The following TMEM41B variants were observed in gnomAD, a reference collection of about 807,000 sequenced individuals.
TMEM41B encodes the protein protein stasimon.
TMEM41B carries 18 observed loss-of-function variants against 31.9 expected under a neutral mutation model. That is an observed-to-expected ratio of 0.56 (90% CI 0.39 to 0.84). TMEM41B has a LOEUF of 0.84. Ranked by LOEUF, TMEM41B falls within the 40% of genes least tolerant of loss-of-function variation. The probability of loss-of-function intolerance (pLI) is 0.00; values close to 1 mark genes in which losing one functional copy is unlikely to be tolerated. For synonymous variants in TMEM41B, 144 were observed against 124.3 expected (o/e 1.16, Z -1.05); for missense variants, 322 against 348.0 (o/e 0.93, Z 0.59).
At chr11:9,312,778 C>T (rs979476871) in intron 1 of TMEM41B, among the ~76,000 whole-genome samples, 2 of 151,802 alleles carry the variant, frequency 1.3e-5, no homozygotes, top group Non-Finnish European at 2.9e-5. Flanking sequence ...GTGGTGGGCG[C>T]CTGTAGTCCC....
chr11:9,311,307 G>A (rs1853555071), intron 1 of TMEM41B: 10 of 1,525,386 alleles, frequency 6.6e-6, no homozygotes, highest in Middle Eastern at 4.9e-4. Flanking sequence ...GGAAGAGGAG[G>A]AGGAATGCTT....
intron 3 of TMEM41B, among the ~76,000 whole-genome samples, chr11:9,294,554 C>T (rs1241276479): frequency 1.3e-5 from 2 of 150,432 alleles, no homozygotes; most frequent in Admixed American, 6.6e-5. Context: ...AAGTAAATTA[C>T]GTCTTTCATT....
chr11:9,299,799 C>A lies in TMEM41B; in HGVS notation c.122-98G>T, dbSNP rs541578026. 8 of 911,234 alleles carry A rather than the reference C, an allele frequency of 8.8e-6. No homozygotes were observed. In the South Asian group the frequency reaches 1.0e-4, roughly 12 times the overall value. The allele number at this position is 911,234 out of a possible 1,614,324, so 56.4% of individuals were successfully genotyped here. On this transcript the variant is annotated intron_variant, in intron 1 of 6. Coordinates refer to ENST00000528080, the MANE Select transcript of TMEM41B (RefSeq NM_015012.4). ...CTTTCCTTCCAGAAAATGGCGTGTGCTTTTGCCTAAAATGATGTGACATTA... is the reference window on the plus strand; with the variant it reads ...CTTTCCTTCCAGAAAATGGCGTGTGATTTTGCCTAAAATGATGTGACATTA...
chr11:9,313,053 T>C (rs1446932380), intron 1 of TMEM41B, among the ~76,000 whole-genome samples: 1 of 152,230 alleles, frequency 6.6e-6, no homozygotes, highest in Admixed American at 6.5e-5. Context: ...GGCTGCTACC[T>C]CAAATGAGAT....
At chr11:9,297,225 C>CG (rs1333936792) in intron 2 of TMEM41B, among the ~76,000 whole-genome samples, 2 of 152,174 alleles carry the variant, frequency 1.3e-5, no homozygotes, top group African/African-American at 4.8e-5. Context: ...GCTGGGACTA[C>CG]GGGCGCCCGC....
chr11:9,288,647 T>C (rs1180259401), intron 3 of TMEM41B, 112 bp from the exon 4 acceptor site: 2 of 728,528 alleles, frequency 2.7e-6, no homozygotes, highest in Admixed American at 3.2e-5. Context: ...AATGAGATTA[T>C]ATCCAAAGGT....
At chr11:9,296,499 G>A (rs1267971545) in intron 2 of TMEM41B, among the ~76,000 whole-genome samples, 3 of 150,794 alleles carry the variant, frequency 2.0e-5, no homozygotes, top group Non-Finnish European at 4.4e-5. Context: ...GGTGGTGCAT[G>A]CCTGTAATCC....
At position 9,281,038 on chromosome 11, in the gene TMEM41B, G is replaced by A. The variant is rs975136550; in HGVS notation, c.*2386C>T. 2 of 151,594 alleles carry A rather than the reference G, an allele frequency of 1.3e-5. No homozygotes were observed. The highest frequency in any genetic ancestry group is 1.5e-5 in the Non-Finnish European group (1 of 67,954). 9.4% of individuals were successfully genotyped at this position (151,594 alleles called of 1,614,324 possible). Reference sequence around the variant, plus strand: ...AAGAAAATATACCCCACCTAAAGTCGCAGCTACCATTAACAAAAAAAAAAA... The same window carrying A: ...AAGAAAATATACCCCACCTAAAGTCACAGCTACCATTAACAAAAAAAAAAA... On this transcript the variant is annotated 3_prime_UTR_variant, in exon 7 of 7. Coordinates refer to ENST00000528080, the MANE Select transcript of TMEM41B (RefSeq NM_015012.4).
chr11:9,313,737 T>C (rs11828205), intron 1 of TMEM41B, among the ~76,000 whole-genome samples: 3 of 152,186 alleles, frequency 2.0e-5, no homozygotes, highest in African/African-American at 7.2e-5. Flanking sequence ...GTGAATTATT[T>C]CGTTTAACCC....
At chr11:9,314,033 G>C (rs1208597009) in intron 1 of TMEM41B, among the ~76,000 whole-genome samples, 3 of 152,170 alleles carry the variant, frequency 2.0e-5, no homozygotes, top group African/African-American at 7.2e-5. Flanking sequence ...GCTCTGCCTA[G>C]CGTCGTTATC....
intron 3 of TMEM41B, among the ~76,000 whole-genome samples, chr11:9,289,736 T>C (rs1383366831): frequency 2.0e-5 from 3 of 152,210 alleles, no homozygotes; most frequent in East Asian, 1.9e-4. Context: ...TTTTTCTCAA[T>C]AGTCACCTTT....
intron 1 of TMEM41B, among the ~76,000 whole-genome samples, chr11:9,308,164 T>C (rs1590389505): frequency 6.6e-6 from 1 of 152,084 alleles, no homozygotes; most frequent in South Asian, 2.1e-4. Context: ...CTGGCCAACA[T>C]GGTAAAACCC....
chr11:9,300,921 T>A (rs1853240396), intron 1 of TMEM41B, among the ~76,000 whole-genome samples: 1 of 151,454 alleles, frequency 6.6e-6, no homozygotes, highest in Non-Finnish European at 1.5e-5. Context: ...TGGAATGAGA[T>A]TCCAGAAGCA....
intron 6 of TMEM41B, 34 bp downstream of exon 6, chr11:9,286,421 T>C (rs1423790726): frequency 1.3e-6 from 2 of 1,588,814 alleles, no homozygotes; most frequent in Non-Finnish European, 1.7e-6. Context: ...ATGTACACAG[T>C]GAGCTCATAC....
rs534636774 is a variant in TMEM41B at position 9,290,196 on chromosome 11, T to C, written c.369-1661A>G. On this transcript the variant is annotated intron_variant, in intron 3 of 6. Coordinates refer to ENST00000528080, the MANE Select transcript of TMEM41B (RefSeq NM_015012.4). The stretch of plus-strand genomic sequence containing the variant: ...GAGATCGAGACCATCCTGGCCAACA[T>C]GGTGAAACCGTCTCTACTAAAATAC... Among the ~76,000 whole-genome samples the C allele has an allele frequency of 8.2e-4, 125 of 152,040 alleles. 2 individuals carry two copies. Among genetic ancestry groups the C allele is most frequent in the African/African-American group, 2.7e-3 (113 of 41,484 alleles).
intron 1 of TMEM41B, among the ~76,000 whole-genome samples, chr11:9,307,297 G>C (rs530600696): frequency 3.9e-5 from 6 of 152,002 alleles, no homozygotes; most frequent in Non-Finnish European, 7.4e-5. Context: ...AAGCTTACAG[G>C]CCAACAAGTC....
At chr11:9,308,725 G>T (rs1328694613) in intron 1 of TMEM41B, among the ~76,000 whole-genome samples, 1 of 152,128 alleles carries the variant, frequency 6.6e-6, no homozygotes, top group Non-Finnish European at 1.5e-5. Context: ...TGTAGAATAT[G>T]AATCAGGCTG....
intron 1 of TMEM41B, among the ~76,000 whole-genome samples, chr11:9,309,232 G>C (rs1451810185): frequency 7.0e-6 from 1 of 143,590 alleles, no homozygotes; most frequent in Non-Finnish European, 1.6e-5. Flanking sequence ...GGCAAAAAGA[G>C]TGAAACTCCA....
intron 1 of TMEM41B, among the ~76,000 whole-genome samples, chr11:9,304,219 A>G (rs1366635461): frequency 2.6e-5 from 4 of 152,188 alleles, no homozygotes; most frequent in African/African-American, 9.6e-5. Context: ...TAAACATCTC[A>G]GGTAGGTCAA....
Sources: allele counts gnomAD v4.1 joint callset (sites outside exome capture counted in the v4.1 genomes callset), GRCh38; gene constraint gnomAD v4.1.1; transcripts MANE v1.5; gene names NCBI Gene and HGNC (gene_info 2026-07-23, HGNC 2026-07-21).